Variants in TEDC2 observed in about 807,000 individuals in gnomAD.
TEDC2 encodes tubulin epsilon and delta complex 2, also known as tubulin epsilon and delta complex protein 2.
In TEDC2, 49 loss-of-function variants were observed where a neutral mutation model predicts 48.1. The ratio of observed to expected loss-of-function variants is 1.02; its 90% CI spans 0.81 to 1.29. The LOEUF is 1.29. Ranked by LOEUF, TEDC2 falls within the 50% of genes most tolerant of loss-of-function variation. TEDC2 has a pLI of 0.00. For synonymous variants in TEDC2, 299 were observed against 247.1 expected (o/e 1.21, Z -1.97); for missense variants, 631 against 571.4 (o/e 1.10, Z -1.06).
Position 2,460,344 on chromosome 16 carries a change from C to A in TEDC2, c.88C>A (p.Gln30Lys). The stretch of plus-strand genomic sequence containing the variant: ...CGCACAGCGACAATTGCAATTGGAG[C>A]AGAGCCTGCGCGTTTGCCGTCGGCT... ...ACAQRQLQLE[Q>K]SLRVCRRLLH... Residue 30 changes from glutamine (Q) to lysine (K), a missense_variant, in exon 2 of 10, where the codon CAG (glutamine) becomes AAG (lysine). By Grantham distance (53) the Gln-to-Lys change is moderately conservative. Coordinates refer to ENST00000361837, the MANE Select transcript of TEDC2 (RefSeq NM_025108.3). 1 of 1,543,896 alleles carries A rather than the reference C, an allele frequency of 6.5e-7. No homozygotes were observed.
Position 2,460,656 on chromosome 16 carries a change from T to G in TEDC2, c.159T>G (p.Pro53=). 1 of 1,613,006 alleles carries G rather than the reference T, an allele frequency of 6.2e-7. No individual in the cohort carries two copies. The highest frequency in any genetic ancestry group is 1.7e-4 in the Middle Eastern group (1 of 6,060). Reference sequence around the variant, plus strand: ...CTGGGACCCGGGCTTTGAAGCCACCTCCAGGGCCAGAAACTAATGGAGAGG... The same window carrying G: ...CTGGGACCCGGGCTTTGAAGCCACCGCCAGGGCCAGAAACTAATGGAGAGG... ...EPTGTRALKP[P]PGPETNGEDP... Residue 53 remains proline, a synonymous_variant, in exon 3 of 10, where the codon CCT becomes CCG. Transcript: ENST00000361837.
In TEDC2 at chr16:2,462,532, T is replaced by C. The variant is rs371040809; in HGVS notation, c.862+6T>C. ...GAGGGAGGAGCTCTCGGCAGGTCAGTGGGTCCTGGGTCTGTATCAGGAGGA... is the reference window on the plus strand; with the variant it reads ...GAGGGAGGAGCTCTCGGCAGGTCAGCGGGTCCTGGGTCTGTATCAGGAGGA... On this transcript the variant is annotated splice_donor_region_variant and intron_variant, in intron 7 of 9. Transcript: ENST00000361837. 1.9e-6 allele frequency: 3 copies of C among 1,588,288 alleles called. No homozygotes were observed. The highest frequency in any genetic ancestry group is 2.6e-6 in the Non-Finnish European group (3 of 1,167,636).
At position 2,464,064 on chromosome 16, in the gene TEDC2, A is replaced by G. The variant is rs754545922; in HGVS notation, c.990A>G (p.Pro330=). The G allele has an allele frequency of 1.9e-6, 3 of 1,612,522 alleles. No homozygotes were observed. Among genetic ancestry groups the G allele is most frequent in the African/African-American group, 1.3e-5 (1 of 75,012 alleles). The change falls in exon 9 of 10, where the codon CCA becomes CCG. Residue 330 remains proline (P), a synonymous_variant. Coordinates refer to ENST00000361837, the MANE Select transcript of TEDC2 (RefSeq NM_025108.3). ...CGGTGGCGGAACAGCCACCAAGACC[A>G]TGTCCTGTGGGGAGGCCCCCCGGAG... ...RAAVAEQPPR[P]CPVGRPPGAS...
chr16:2,460,406 C>T (rs1341752893), intron 2 of TEDC2, 25 bp downstream of exon 2: 1 of 1,543,784 alleles, frequency 6.5e-7, no homozygotes, highest in Non-Finnish European at 8.7e-7. Flanking sequence ...GACCCACTGG[C>T]CAGACCTCCC....
Position 2,461,046 on chromosome 16 carries a change from C to T in TEDC2, c.427C>T (p.Arg143Cys), listed in dbSNP as rs200526529. 3.0e-3 allele frequency: 4,850 copies of T among 1,607,836 alleles called. 8 individuals carry two copies. Among genetic ancestry groups the T allele is most frequent in the Non-Finnish European group, 3.8e-3 (4,430 of 1,176,180 alleles). ...ASDTRPTKGL[R>C]QTTVPAKGHP... ...AGACACGAGACCCACCAAGGGCCTCCGCCAGACCACGGTGCCTGCCAAGGG... is the reference window on the plus strand; with the variant it reads ...AGACACGAGACCCACCAAGGGCCTCTGCCAGACCACGGTGCCTGCCAAGGG... Residue 143 changes from arginine to cysteine, a missense_variant, in exon 4 of 10, where the codon CGC becomes TGC. Transcript: ENST00000361837.
chr16:2,462,635 C>A lies in TEDC2; in HGVS notation c.867C>A (p.Pro289=). 1 of 1,546,658 alleles carries A rather than the reference C, an allele frequency of 6.5e-7. No individual in the cohort carries two copies. ...CTCTCCCTGACTCTTCTGCAGCCCC[C>A]ATGGACTGGATGCAGGAGTACCGCT... ...LRMREELSAA[P]MDWMQEYRCL... is the part of the protein sequence containing the mutation. Residue 289 remains proline (P), a synonymous_variant, in exon 8 of 10, where the codon CCC becomes CCA. Coordinates refer to ENST00000361837, the MANE Select transcript of TEDC2 (RefSeq NM_025108.3).
rs761754207 is a variant in TEDC2 at position 2,460,671 on chromosome 16, T to A, written c.174T>A (p.Thr58=). ...RALKPPPGPE[T]NGEDPLPACT... is the part of the protein sequence containing the mutation. ...TGAAGCCACCTCCAGGGCCAGAAAC[T>A]AATGGAGAGGACCCCCTTCCAGGTA... Residue 58 remains threonine (T), a synonymous_variant, in exon 3 of 10, where the codon ACT becomes ACA. Coordinates refer to ENST00000361837, the MANE Select transcript of TEDC2 (RefSeq NM_025108.3). The A allele has an allele frequency of 6.2e-7, 1 of 1,613,000 alleles. No individual in the cohort carries two copies. Among genetic ancestry groups the A allele is most frequent in the South Asian group, 1.1e-5 (1 of 91,086 alleles).
At position 2,460,559 on chromosome 16, in the gene TEDC2, C is replaced by T; in HGVS notation, c.126-64C>T. On this transcript the variant is annotated intron_variant, in intron 2 of 9. Coordinates refer to ENST00000361837, the MANE Select transcript of TEDC2 (RefSeq NM_025108.3). ...GGCCTGCCGCGGGGCCCGGCGGCCC[C>T]CTCGGGTCTGTTTGGGCTGGGCCCT... is the stretch of plus-strand genomic sequence containing the variant. 6 of 1,596,910 alleles carry T rather than the reference C, an allele frequency of 3.8e-6. No individual in the cohort carries two copies. In the South Asian group the frequency reaches 4.5e-5, roughly 12 times the overall value.
rs746575496 is a variant in TEDC2 at position 2,462,131 on chromosome 16, CCCA to C, written c.660-16_660-14del. ...GTCCCTCTGTGGTTCCTCTGTGCACCCCACGTGTGCACCCCAGCCTGTGGGCCC... is the reference window on the plus strand; with the variant it reads ...GTCCCTCTGTGGTTCCTCTGTGCACCCGTGTGCACCCCAGCCTGTGGGCCC... On this transcript the variant is annotated splice_polypyrimidine_tract_variant and intron_variant, in intron 5 of 9. Coordinates refer to ENST00000361837, the MANE Select transcript of TEDC2 (RefSeq NM_025108.3). 5 of 1,605,810 alleles carry C rather than the reference CCCA, an allele frequency of 3.1e-6. No homozygotes were observed. The highest frequency in any genetic ancestry group is 3.4e-6 in the Non-Finnish European group (4 of 1,173,956).
chr16:2,460,742 C>T (rs769671783), intron 3 of TEDC2, 49 bp downstream of exon 3: 1 of 1,612,082 alleles, frequency 6.2e-7, no homozygotes, highest in African/African-American at 1.3e-5. Flanking sequence ...GGCCTGTCTG[C>T]TGGCGTGCAG....
In TEDC2 at chr16:2,464,339, C is replaced by T. The variant is rs777154758; in HGVS notation, c.1155+110C>T. The T allele has an allele frequency of 7.0e-6, 10 of 1,419,064 alleles. No homozygotes were observed. The South Asian group carries it at 1.2e-4, about 16-fold the overall frequency. 87.9% of individuals were successfully genotyped at this position (1,419,064 alleles called of 1,614,324 possible). A position where few individuals can be genotyped will look rare whatever the true frequency, so the allele number is the denominator to read the frequency against. ...CAGGACCCAGGAGGATGGGGGCAAG[C>T]CTGGGGTCTGTGTGTGTGGGTTGGG... On this transcript the variant is annotated intron_variant, in intron 9 of 9. Transcript: ENST00000361837.
chr16:2,463,269 T>C lies in TEDC2; in HGVS notation c.964+537T>C, dbSNP rs558642119. On this transcript the variant is annotated intron_variant, in intron 8 of 9. Coordinates refer to ENST00000361837, the MANE Select transcript of TEDC2 (RefSeq NM_025108.3). The stretch of plus-strand genomic sequence containing the variant: ...CCAGGAGGAGGAGCTTGCAGTGAGC[T>C]GAGATTGCGCCACTGCATTCCAGCC... 2.4e-4 allele frequency among the ~76,000 whole-genome samples: 37 copies of C among 151,714 alleles called. No homozygotes were observed. In the South Asian group the frequency reaches 6.2e-3, roughly 26 times the overall value.
In TEDC2 at chr16:2,460,678, G is replaced by A; in HGVS notation, c.181G>A (p.Glu61Lys). The A allele has an allele frequency of 1.9e-6, 3 of 1,613,052 alleles. No homozygotes were observed. The highest frequency in any genetic ancestry group is 2.5e-6 in the Non-Finnish European group (3 of 1,180,004). Reference protein sequence around the residue: ...KPPPGPETNGEDPLPACTPSP... With the variant: ...KPPPGPETNGKDPLPACTPSP... Reference sequence around the variant, plus strand: ...ACCTCCAGGGCCAGAAACTAATGGAGAGGACCCCCTTCCAGGTAAACCTCC... The same window carrying A: ...ACCTCCAGGGCCAGAAACTAATGGAAAGGACCCCCTTCCAGGTAAACCTCC... The change falls in exon 3 of 10, where the codon GAG (glutamate) becomes AAG (lysine). Residue 61 changes from glutamate (E) to lysine (K), a missense_variant. By Grantham distance (56) the Glu-to-Lys change is moderately conservative. Coordinates refer to ENST00000361837, the MANE Select transcript of TEDC2 (RefSeq NM_025108.3).
Position 2,460,366 on chromosome 16 carries a change from G to T in TEDC2, c.110G>T (p.Arg37Leu), listed in dbSNP as rs2065457952. The T allele has an allele frequency of 6.5e-7, 1 of 1,544,384 alleles. No homozygotes were observed. ...GAGCAGAGCCTGCGCGTTTGCCGTC[G>T]GCTGCTGCATGCCTGGTACGCGGAC... is the stretch of plus-strand genomic sequence containing the variant. Reference protein sequence around the residue: ...QLEQSLRVCRRLLHAWEPTGT... With the variant: ...QLEQSLRVCRLLLHAWEPTGT... Residue 37 changes from arginine (R) to leucine (L), a missense_variant, in exon 2 of 10, where the codon CGG becomes CTG. Transcript: ENST00000361837.
At position 2,464,521 on chromosome 16, in the gene TEDC2, G is replaced by A. The variant is rs2065488038; in HGVS notation, c.1156-1G>A. 1 of 1,563,590 alleles carries A rather than the reference G, an allele frequency of 6.4e-7. No individual in the cohort carries two copies. Among genetic ancestry groups the A allele is most frequent in the South Asian group, 1.2e-5 (1 of 84,554 alleles). Reference sequence around the variant, plus strand: ...TTGGCCCTGCCCTGCCCTGCCCCCAGGTCCTGATGGCTGAACTCCTCCCCC... The same window carrying A: ...TTGGCCCTGCCCTGCCCTGCCCCCAAGTCCTGATGGCTGAACTCCTCCCCC... On this transcript the variant is annotated splice_acceptor_variant, in intron 9 of 9. Transcript: ENST00000361837. LOFTEE classifies it high-confidence loss of function.
chr16:2,464,744 A>G lies in TEDC2; in HGVS notation c.*76A>G. ...TCCCTGGCACTGTGCTCGGGGACCC[A>G]GAGATGCCTGTGCTTCCCTGGGAAA... is the stretch of plus-strand genomic sequence containing the variant. On this transcript the variant is annotated 3_prime_UTR_variant, in exon 10 of 10. Coordinates refer to ENST00000361837, the MANE Select transcript of TEDC2 (RefSeq NM_025108.3). The G allele has an allele frequency of 6.3e-7, 1 of 1,576,696 alleles. No individual in the cohort carries two copies. Among genetic ancestry groups the G allele is most frequent in the Non-Finnish European group, 8.6e-7 (1 of 1,159,886 alleles).
chr16:2,464,776 G>T lies in TEDC2; in HGVS notation c.*108G>T. 1.4e-6 allele frequency: 2 copies of T among 1,451,962 alleles called. No individual in the cohort carries two copies. Among genetic ancestry groups the T allele is most frequent in the South Asian group, 1.2e-5 (1 of 80,566 alleles). The allele number at this position is 1,451,962 out of a possible 1,614,324, so 89.9% of individuals were successfully genotyped here. Reference sequence around the variant, plus strand: ...CCTGTGCTTCCCTGGGAAACCTGGTGAACTGGACCAGGTGGCCTCACTGGC... The same window carrying T: ...CCTGTGCTTCCCTGGGAAACCTGGTTAACTGGACCAGGTGGCCTCACTGGC... On this transcript the variant is annotated 3_prime_UTR_variant, in exon 10 of 10. Coordinates refer to ENST00000361837, the MANE Select transcript of TEDC2 (RefSeq NM_025108.3).
Position 2,464,858 on chromosome 16 carries a change from T to A in TEDC2, c.*190T>A. 1.3e-6 allele frequency: 1 copy of A among 756,700 alleles called. No individual in the cohort carries two copies. The highest frequency in any genetic ancestry group is 2.1e-6 in the Non-Finnish European group (1 of 483,670). 46.9% of individuals were successfully genotyped at this position (756,700 alleles called of 1,614,324 possible). A position where few individuals can be genotyped will look rare whatever the true frequency, so the allele number is the denominator to read the frequency against. On this transcript the variant is annotated 3_prime_UTR_variant, in exon 10 of 10. Coordinates refer to ENST00000361837, the MANE Select transcript of TEDC2 (RefSeq NM_025108.3). ...GGCTGGCTTTCAGCCTTCCTAAGGC[T>A]CCTGGACTCCAGAGGCCAGCGGGGA...
At position 2,460,665 on chromosome 16, in the gene TEDC2, A is replaced by G. The variant is rs1318235875; in HGVS notation, c.168A>G (p.Pro56=). 8 of 1,612,960 alleles carry G rather than the reference A, an allele frequency of 5.0e-6. No homozygotes were observed. Among genetic ancestry groups the G allele is most frequent in the African/African-American group, 2.7e-5 (2 of 74,946 alleles). ...GGGCTTTGAAGCCACCTCCAGGGCC[A>G]GAAACTAATGGAGAGGACCCCCTTC... ...GTRALKPPPG[P]ETNGEDPLPA... The change falls in exon 3 of 10, where the codon CCA becomes CCG. Residue 56 remains proline, a synonymous_variant. Transcript: ENST00000361837.
Sources: gnomAD v4.1 joint callset for allele counts (sites outside exome capture counted in the v4.1 genomes callset) on GRCh38, gnomAD v4.1.1 for gene constraint, MANE v1.5 for transcripts, NCBI Gene and HGNC (gene_info 2026-07-23, HGNC 2026-07-21) for gene names.